KIF1B: variants seen among roughly 807,000 people sequenced by gnomAD.
KIF1B encodes kinesin-like protein KIF1B.
Under a neutral mutation model 241.9 loss-of-function variants are expected in KIF1B, and 76 were observed. The observed-to-expected ratio is 0.31, with a 90% CI of 0.26 to 0.38. The LOEUF (loss-of-function observed/expected upper bound fraction) is 0.38, where lower values mean the gene tolerates loss of function less well. KIF1B is among the 10% of genes least tolerant of loss of function. KIF1B has a pLI of 1.00. For synonymous variants in KIF1B, 750 were observed against 796.7 expected, an observed-to-expected ratio of 0.94 and a Z score of 0.99; for missense variants, 1,622 against 2,271.4, an observed-to-expected ratio of 0.71 and a Z score of 5.81.
chr1:10,355,659 A>G (rs1433083595), intron 38 of KIF1B, among the ~76,000 whole-genome samples: 1 of 152,170 alleles, frequency 6.6e-6, no homozygotes, highest in African/African-American at 2.4e-5. Context: ...TCTACATTAC[A>G]AAGTAGAATG....
chr1:10,258,003 G>T (rs532944846), intron 3 of KIF1B, among the ~76,000 whole-genome samples: 1 of 152,274 alleles, frequency 6.6e-6, no homozygotes, highest in South Asian at 2.1e-4. Flanking sequence ...TTAAACTATT[G>T]ACAAAGCCTA....
intron 22 of KIF1B, among the ~76,000 whole-genome samples, chr1:10,311,549 T>G (rs1298768048): frequency 1.3e-5 from 2 of 151,324 alleles, no homozygotes; most frequent in Non-Finnish European, 2.9e-5. Context: ...TCCTCATTCT[T>G]GCTGGAACTC....
chr1:10,324,835 C>T lies in KIF1B; in HGVS notation c.2615C>T (p.Thr872Ile). The T allele has an allele frequency of 6.2e-7, 1 of 1,614,116 alleles. No individual in the cohort carries two copies. The highest frequency in any genetic ancestry group is 1.3e-5 in the African/African-American group (1 of 75,024). Residue 872 changes from threonine to isoleucine, a missense_variant, in exon 26 of 49, where the codon ACC becomes ATC. Transcript: ENST00000676179. ...TCCAGTGCCCAAGACGAAAGCGAAA[C>T]CACTGTGACTGGCAGCGATCCCTTC... ...MASSAQDESE[T>I]TVTGSDPFYD... is the part of the protein sequence containing the mutation.
At chr1:10,323,769 C>T in intron 24 of KIF1B, 115 bp from the exon 25 acceptor site, 1 of 817,078 alleles carries the variant, frequency 1.2e-6, no homozygotes, top group Non-Finnish European at 2.0e-6. Flanking sequence ...AAGTTAGTCA[C>T]AAGATATTTG....
intron 15 of KIF1B, among the ~76,000 whole-genome samples, chr1:10,286,780 C>T (rs1649736081): frequency 6.6e-6 from 1 of 152,064 alleles, no homozygotes. Context: ...GTGAATGACA[C>T]CTGAGCCTGG....
chr1:10,236,074 C>T (rs1056288279), intron 2 of KIF1B, among the ~76,000 whole-genome samples: 6 of 151,832 alleles, frequency 4.0e-5, no homozygotes, highest in African/African-American at 1.5e-4. Context: ...AGTTTTGAGA[C>T]CAGCCTGGCC....
At chr1:10,232,133 A>G (rs1646991492) in intron 1 of KIF1B, 117 bp from the exon 2 acceptor site, 1 of 560,130 alleles carries the variant, frequency 1.8e-6, no homozygotes. Flanking sequence ...AAAGGGATGA[A>G]TATCGTTTTT....
At chr1:10,324,975 AAAGTT>A (rs1651673776) in intron 26 of KIF1B, 80 bp downstream of exon 26, 9 of 1,556,588 alleles carry the variant, frequency 5.8e-6, no homozygotes, top group East Asian at 2.2e-5. Flanking sequence ...GATAATATAA[AAAGTT>A]AAGAGGAAAA....
chr1:10,376,510 A>G (rs753013359), intron 48 of KIF1B, 35 bp from the exon 49 acceptor site: 1 of 1,610,034 alleles, frequency 6.2e-7, no homozygotes, highest in South Asian at 1.1e-5. Context: ...TTGTACCCAG[A>G]CTTCTAATCC....
chr1:10,230,161 G>T (rs1168807831), intron 1 of KIF1B, among the ~76,000 whole-genome samples: 3 of 152,064 alleles, frequency 2.0e-5, no homozygotes, highest in African/African-American at 7.2e-5. Context: ...GACGGGTAGG[G>T]CATTGAGGTA....
intron 5 of KIF1B, among the ~76,000 whole-genome samples, chr1:10,266,969 A>T (rs1022448443): frequency 8.0e-5 from 12 of 150,728 alleles, no homozygotes; most frequent in East Asian, 1.9e-4. Flanking sequence ...AGTTAAAAAA[A>T]TTTTTTTTCT....
intron 1 of KIF1B, among the ~76,000 whole-genome samples, chr1:10,215,172 A>ATATATATT (rs1377684765): frequency 1.1e-4 from 5 of 45,360 alleles, no homozygotes; most frequent in South Asian, 9.4e-4. Flanking sequence ...ATATATATAT[A>ATATATATT]TTTTTTTTTT....
At chr1:10,305,283 T>C (rs1650772595) in intron 22 of KIF1B, 2 of 1,043,602 alleles carry the variant, frequency 1.9e-6, no homozygotes, top group Non-Finnish European at 1.2e-6. Context: ...AAAAAACTCA[T>C]ATAATGGTTT....
chr1:10,230,115 CAGTGAGCTATGATTGTGCCACTGTACAGT>C (rs1646961610), intron 1 of KIF1B, among the ~76,000 whole-genome samples: 1 of 152,058 alleles, frequency 6.6e-6, no homozygotes. Flanking sequence ...TTCAAGGTTA[CAGTGAGCTATGATTGTGCCACTGTACAGT>C]AGCCTGGACG....
chr1:10,267,482 G>A lies in KIF1B; in HGVS notation c.532G>A (p.Val178Met). 1 of 1,614,208 alleles carries A rather than the reference G, an allele frequency of 6.2e-7. No homozygotes were observed. Among genetic ancestry groups the A allele is most frequent in the Non-Finnish European group, 8.5e-7 (1 of 1,180,022 alleles). The change falls in exon 6 of 49, where the codon GTG becomes ATG. Residue 178 changes from valine (V) to methionine (M), a missense_variant. By Grantham distance (21) the Val-to-Met change is conservative. Around this residue, in one of 7 missense-constraint regions of KIF1B, gnomAD observed 156 missense variants for 244.8 expected, o/e 0.64. Coordinates refer to ENST00000676179, the MANE Select transcript of KIF1B (RefSeq NM_001365951.3). ...TGAACACCCACTTCTTGGACCCTAT[G>A]TGGAGGATCTGTCCAAGTTGGCAGT... ...VREHPLLGPY[V>M]EDLSKLAVTS...
Position 10,320,152 on chromosome 1 carries a change from C to G in KIF1B, c.2209+16C>G, listed in dbSNP as rs766409583. On this transcript the variant is annotated intron_variant, in intron 23 of 48. Transcript: ENST00000676179. ...GAGGAAGAAGGTGAAATCTAGAGAC[C>G]GAAAGTTTCCTGTGTATATCTTTTT... is the stretch of plus-strand genomic sequence containing the variant. The G allele has an allele frequency of 6.5e-7, 1 of 1,537,342 alleles. No homozygotes were observed.
chr1:10,366,036 G>A (rs949863329), intron 43 of KIF1B, among the ~76,000 whole-genome samples: 1 of 152,042 alleles, frequency 6.6e-6, no homozygotes, highest in African/African-American at 2.4e-5. Context: ...TTCGAGACCA[G>A]CCTGGCCAAC....
Position 10,323,448 on chromosome 1 carries a change from C to T in KIF1B, c.2359-436C>T, listed in dbSNP as rs1651600443. 2.0e-5 allele frequency among the ~76,000 whole-genome samples: 3 copies of T among 152,060 alleles called. No homozygotes were observed. In the South Asian group the frequency reaches 6.2e-4, roughly 32 times the overall value. On this transcript the variant is annotated intron_variant, in intron 24 of 48. Transcript: ENST00000676179. The stretch of plus-strand genomic sequence containing the variant: ...CCAGCCTGGGCAATGTGGTTAAACC[C>T]CATCTCTACAAAAAATTTTTAAAAA...
chr1:10,262,515 G>A (rs1648208514), intron 5 of KIF1B, among the ~76,000 whole-genome samples: 1 of 152,162 alleles, frequency 6.6e-6, no homozygotes, highest in African/African-American at 2.4e-5. Flanking sequence ...ATGTTTCTTG[G>A]TTTTTAAATA....
Sources: gnomAD v4.1 joint callset for allele counts (sites outside exome capture counted in the v4.1 genomes callset) on GRCh38, gnomAD v4.1.1 for gene constraint, gnomAD v4.1.1 regional missense constraint, MANE v1.5 for transcripts, NCBI Gene and HGNC (gene_info 2026-07-23, HGNC 2026-07-21) for gene names.